Variants in GRM5 observed in about 807,000 individuals in gnomAD.
GRM5 encodes the protein metabotropic glutamate receptor 5.
A neutral mutation model predicts 83.1 loss-of-function variants in GRM5; 19 were observed. The observed-to-expected ratio is 0.23, with a 90% CI of 0.16 to 0.34. GRM5 has a LOEUF of 0.34. Among genes scored for constraint, GRM5 ranks in the 10% least tolerant of loss-of-function variants. The pLI, the probability that GRM5 is intolerant of heterozygous loss-of-function variation, is 1.00. For missense variants in GRM5, 1,160 were observed against 1,588.3 expected (o/e 0.73, Z 4.58); for synonymous variants, 675 against 633.6 (o/e 1.07, Z -0.98).
At chr11:88,838,362 T>A (rs1590899837) in intron 3 of GRM5, among the ~76,000 whole-genome samples, 1 of 152,022 alleles carries the variant, frequency 6.6e-6, no homozygotes, top group East Asian at 1.9e-4. Context: ...GGAGAAGGGG[T>A]TAAGTGTGTA....
intron 1 of GRM5, among the ~76,000 whole-genome samples, chr11:89,051,429 G>C (rs1454619344): frequency 6.6e-6 from 1 of 152,056 alleles, no homozygotes; most frequent in African/African-American, 2.4e-5. Flanking sequence ...TTTAATGTTG[G>C]CCAGGCGCGG....
chr11:88,521,451 A>G (rs1365170564), intron 9 of GRM5, among the ~76,000 whole-genome samples: 1 of 152,136 alleles, frequency 6.6e-6, no homozygotes, highest in African/African-American at 2.4e-5. Context: ...AAGTACTCCA[A>G]TGCCATGCCC....
intron 4 of GRM5, among the ~76,000 whole-genome samples, chr11:88,623,718 T>C (rs1938708397): frequency 6.6e-6 from 1 of 152,194 alleles, no homozygotes; most frequent in South Asian, 2.1e-4. Flanking sequence ...TCAGTATTTA[T>C]TTGCAATCAA....
In GRM5 at chr11:88,628,412, G is replaced by T. The variant is rs181523257; in HGVS notation, c.1148-23448C>A. 2.0e-5 allele frequency among the ~76,000 whole-genome samples: 3 copies of T among 152,284 alleles called. No homozygotes were observed. The East Asian group carries it at 5.8e-4, about 29-fold the overall frequency. On this transcript the variant is annotated intron_variant, in intron 4 of 9. Coordinates refer to ENST00000305447, the MANE Select transcript of GRM5 (RefSeq NM_001143831.3). ...AAGATATGAAAGAAATTTAACTCAT[G>T]CCTTGAATTTGTATCAATACTTCAT...
At chr11:88,889,029 T>C (rs1307505956) in intron 2 of GRM5, among the ~76,000 whole-genome samples, 1 of 152,186 alleles carries the variant, frequency 6.6e-6, no homozygotes, top group Non-Finnish European at 1.5e-5. Flanking sequence ...TTCTGGGTAA[T>C]GGCCACAAAA....
intron 1 of GRM5, among the ~76,000 whole-genome samples, chr11:89,060,305 CAT>C (rs1565356275): frequency 1.4e-4 from 21 of 149,792 alleles, no homozygotes; most frequent in Non-Finnish European, 2.8e-4. Flanking sequence ...CACACACACA[CAT>C]ATATATGAAT....
rs1195486859 is a variant in GRM5 at position 88,913,673 on chromosome 11, G to A, written c.662-63518C>T. Among the ~76,000 whole-genome samples, 30 of 145,464 alleles carry A rather than the reference G, an allele frequency of 2.1e-4. No homozygotes were observed. In the Admixed American group the frequency reaches 2.1e-3, roughly 10 times the overall value. ...ACAGTCTCGGCTCACTCCAACCTCT[G>A]CCTCCCAGGTTCAAGCAATCCTCCT... On this transcript the variant is annotated intron_variant, in intron 2 of 9. Transcript: ENST00000305447.
intron 3 of GRM5, among the ~76,000 whole-genome samples, chr11:88,706,096 A>G (rs1369670501): frequency 6.6e-6 from 1 of 152,090 alleles, no homozygotes; most frequent in Non-Finnish European, 1.5e-5. Context: ...AAAATCTGAC[A>G]TTCTTTTCCC....
At chr11:88,551,557 G>A (rs543985488) in intron 8 of GRM5, among the ~76,000 whole-genome samples, 7 of 152,076 alleles carry the variant, frequency 4.6e-5, no homozygotes, top group Non-Finnish European at 1.0e-4. Context: ...ATGTGACAAG[G>A]CAGATTCGAT....
At chr11:88,841,976 G>A (rs774079370) in intron 3 of GRM5, among the ~76,000 whole-genome samples, 18 of 152,068 alleles carry the variant, frequency 1.2e-4, no homozygotes, top group Non-Finnish European at 2.1e-4. Context: ...AATAGGAGGT[G>A]GCTTTGAAAT....
intron 2 of GRM5, among the ~76,000 whole-genome samples, chr11:89,044,186 G>T (rs1301332335): frequency 6.6e-6 from 1 of 152,174 alleles, no homozygotes; most frequent in Admixed American, 6.5e-5. Flanking sequence ...TCCATTAAAA[G>T]AAGTGATTTT....
chr11:88,953,308 C>A (rs940690238), intron 2 of GRM5, among the ~76,000 whole-genome samples: 5 of 152,324 alleles, frequency 3.3e-5, no homozygotes, highest in Middle Eastern at 3.4e-3. Context: ...CATACACACA[C>A]ATCTATGCCA....
At chr11:88,556,108 T>A (rs1942620557) in intron 8 of GRM5, among the ~76,000 whole-genome samples, 1 of 152,054 alleles carries the variant, frequency 6.6e-6, no homozygotes, top group African/African-American at 2.4e-5. Context: ...GGGCCATGGA[T>A]CCCCAGGATA....
intron 3 of GRM5, among the ~76,000 whole-genome samples, chr11:88,676,124 T>A (rs938664591): frequency 1.1e-4 from 16 of 152,024 alleles, no homozygotes; most frequent in African/African-American, 3.9e-4. Flanking sequence ...TCTATAAAGA[T>A]AATTTAATGT....
chr11:88,826,617 C>T (rs1943898534), intron 3 of GRM5, among the ~76,000 whole-genome samples: 1 of 151,968 alleles, frequency 6.6e-6, no homozygotes, highest in Non-Finnish European at 1.5e-5. Flanking sequence ...TGGTGACTGT[C>T]ATATATGTAC....
intron 9 of GRM5, chr11:88,523,901 A>G (rs1427450709): frequency 1.3e-5 from 2 of 152,220 alleles, no homozygotes; most frequent in Admixed American, 6.5e-5. Context: ...CAACAGGATT[A>G]TCTTCTTGTT....
chr11:89,045,115 T>A (rs1248609695), intron 2 of GRM5, among the ~76,000 whole-genome samples: 6 of 152,188 alleles, frequency 3.9e-5, no homozygotes, highest in African/African-American at 1.4e-4. Context: ...AACCTTTGAA[T>A]GTCCAATTCC....
At chr11:88,610,693 A>C (rs900095099) in intron 4 of GRM5, among the ~76,000 whole-genome samples, 1 of 152,084 alleles carries the variant, frequency 6.6e-6, no homozygotes. Context: ...CTCTCTTCCT[A>C]TTTGGGTGCC....
At chr11:88,600,278 T>TCTCCC (rs1937943123) in intron 5 of GRM5, among the ~76,000 whole-genome samples, 1 of 138,660 alleles carries the variant, frequency 7.2e-6, no homozygotes, top group African/African-American at 3.0e-5. Flanking sequence ...CTCCTGCTCC[T>TCTCCC]TCTCCCTCTC....
Sources: allele counts gnomAD v4.1 joint callset (sites outside exome capture counted in the v4.1 genomes callset), GRCh38; gene constraint gnomAD v4.1.1; transcripts MANE v1.5; gene names NCBI Gene and HGNC (gene_info 2026-07-23, HGNC 2026-07-21).